The following RPH3AL variants were observed in gnomAD, a reference collection of about 807,000 sequenced individuals.
RPH3AL encodes the protein rabphilin 3A like (without C2 domains).
RPH3AL carries 38 observed loss-of-function variants against 43.1 expected under a neutral mutation model. That is an observed-to-expected ratio of 0.88 (90% confidence interval 0.68 to 1.15). The LOEUF is 1.15. Among genes scored for constraint, RPH3AL ranks in the 50% most tolerant of loss-of-function variants. The probability of loss-of-function intolerance (pLI) is 0.00; values close to 1 mark genes in which losing one functional copy is unlikely to be tolerated. For synonymous variants in RPH3AL, 189 were observed against 176.3 expected (o/e 1.07, Z -0.57); for missense variants, 462 against 423.2 (o/e 1.09, Z -0.81).
intron 5 of RPH3AL, among the ~76,000 whole-genome samples, chr17:286,217 G>T (rs2042907455): frequency 6.6e-6 from 1 of 152,180 alleles, no homozygotes; most frequent in Non-Finnish European, 1.5e-5. Context: ...AACGGATCTG[G>T]GGACAGGAGC....
chr17:333,078 A>G lies in RPH3AL; in HGVS notation c.-37+681T>C, dbSNP rs1459799864. ...CAGGAGGATGCAATTCTCTCTCTAAAGTCGAGAGCTCACCACCCCGGGCGT... is the reference window on the plus strand; with the variant it reads ...CAGGAGGATGCAATTCTCTCTCTAAGGTCGAGAGCTCACCACCCCGGGCGT... On this transcript the variant is annotated intron_variant, in intron 2 of 9. Transcript: ENST00000331302. This position sits in a 1 kb window ranked among gnomAD's most constrained non-coding sequence, Gnocchi z 4.5. The G allele has an allele frequency of 1.6e-6, 2 of 1,287,872 alleles. No individual in the cohort carries two copies. The highest frequency in any genetic ancestry group is 1.1e-4 in the East Asian group (2 of 17,994). 79.8% of individuals were successfully genotyped at this position (1,287,872 alleles called of 1,614,324 possible). A position where few individuals can be genotyped will look rare whatever the true frequency, so the allele number is the denominator to read the frequency against.
chr17:285,209 G>A (rs919518214), intron 5 of RPH3AL, among the ~76,000 whole-genome samples: 1 of 152,134 alleles, frequency 6.6e-6, no homozygotes, highest in East Asian at 1.9e-4. Flanking sequence ...CCCTGAGCCT[G>A]CACCTCACGC....
chr17:326,413 G>A (rs1372996934), intron 3 of RPH3AL, among the ~76,000 whole-genome samples: 1 of 152,222 alleles, frequency 6.6e-6, no homozygotes, highest in Admixed American at 6.5e-5. Context: ...GTTGAAGGAT[G>A]AAGGGGCCCT....
intron 6 of RPH3AL, among the ~76,000 whole-genome samples, chr17:279,718 G>A (rs1294924475): frequency 6.6e-6 from 1 of 152,134 alleles, no homozygotes; most frequent in Non-Finnish European, 1.5e-5. Context: ...ATCCCACAAA[G>A]TGTCTCCCCA....
At chr17:304,075 CCG>C (rs1433833621) in intron 5 of RPH3AL, among the ~76,000 whole-genome samples, 2 of 2,866 alleles carry the variant, frequency 7.0e-4, no homozygotes, top group African/African-American at 1.5e-3. Flanking sequence ...TGAGCAGTGA[CCG>C]TGTTTCAGGA....
At chr17:345,943 A>G (rs9909421) in intron 1 of RPH3AL, among the ~76,000 whole-genome samples, 64,908 of 133,786 alleles carry the variant, frequency 0.49, 22,886 homozygotes, top group East Asian at 0.68. Flanking sequence ...CTCGAAGACC[A>G]GGACATAAGG....
In RPH3AL at chr17:219,693, G is replaced by T; in HGVS notation, c.657C>A (p.Ser219=). Residue 219 remains serine, a synonymous_variant, in exon 8 of 10, where the codon TCC becomes TCA. Coordinates refer to ENST00000331302, the MANE Select transcript of RPH3AL (RefSeq NM_006987.4). ...DSDSDSDLSS[S]SLEDRLPSTG... is the part of the protein sequence containing the mutation. The stretch of plus-strand genomic sequence containing the variant: ...TGGATGGGAGTCTGTCCTCTAGGCT[G>T]GAGGAGCTAAGATCCGAGTCACTGT... 6.2e-7 allele frequency: 1 copy of T among 1,613,488 alleles called. No individual in the cohort carries two copies. The highest frequency in any genetic ancestry group is 8.5e-7 in the Non-Finnish European group (1 of 1,179,834).
intron 5 of RPH3AL, among the ~76,000 whole-genome samples, chr17:316,521 G>A (rs2044205090): frequency 1.4e-5 from 2 of 143,140 alleles, no homozygotes; most frequent in African/African-American, 2.7e-5. Context: ...CACCTCCAGT[G>A]ACCTGTAGTC....
chr17:267,440 G>A (rs1379415156), intron 6 of RPH3AL, among the ~76,000 whole-genome samples: 12 of 152,212 alleles, frequency 7.9e-5, no homozygotes, highest in Admixed American at 5.9e-4. Context: ...CAATTAGACC[G>A]AGCCAGGTCT....
intron 1 of RPH3AL, among the ~76,000 whole-genome samples, chr17:351,946 C>T (rs778063627): frequency 4.6e-5 from 7 of 152,174 alleles, no homozygotes; most frequent in African/African-American, 7.2e-5. Context: ...GGTCCCGAAA[C>T]GGGCCCCTGC....
At chr17:332,886 C>T (rs573559796) in intron 2 of RPH3AL, 17 of 656,954 alleles carry the variant, frequency 2.6e-5, no homozygotes, top group African/African-American at 1.5e-4. Flanking sequence ...GCAGATGTTC[C>T]GGAACCCTTG....
At chr17:284,082 C>T (rs1053098826) in intron 5 of RPH3AL, among the ~76,000 whole-genome samples, 5 of 152,228 alleles carry the variant, frequency 3.3e-5, no homozygotes, top group African/African-American at 4.8e-5. Context: ...ACACACGCAT[C>T]GGTTGAGGGC....
At chr17:349,827 C>T (rs1380349418) in intron 1 of RPH3AL, among the ~76,000 whole-genome samples, 1 of 152,190 alleles carries the variant, frequency 6.6e-6, no homozygotes, top group Non-Finnish European at 1.5e-5. Flanking sequence ...GCAGCAGCAG[C>T]TGACATTTCT....
rs781060598 is a variant in RPH3AL, at chr17:281,826, G to T, written c.380C>A (p.Ala127Asp). ...CAGGGGCCGCTTCTGGCCAGGGGAGGCCTCGATCCCACATTTGGTGCAGAC... is the reference window on the plus strand; with the variant it reads ...CAGGGGCCGCTTCTGGCCAGGGGAGTCCTCGATCCCACATTTGGTGCAGAC... ...KKVCTKCGIE[A>D]SPGQKRPLWL... is the part of the protein sequence containing the mutation. Residue 127 changes from alanine (A) to aspartate (D), a missense_variant, in exon 6 of 10, where the codon GCC becomes GAC. Transcript: ENST00000331302. 3 of 1,614,124 alleles carry T rather than the reference G, an allele frequency of 1.9e-6. No homozygotes were observed. The highest frequency in any genetic ancestry group is 4.5e-5 in the East Asian group (2 of 44,878).
chr17:228,182 G>GTA (rs1013551413), intron 7 of RPH3AL, among the ~76,000 whole-genome samples: 2 of 152,184 alleles, frequency 1.3e-5, no homozygotes, highest in African/African-American at 4.8e-5. Context: ...CCTCCCAGTG[G>GTA]TATAACTTTA....
intron 5 of RPH3AL, among the ~76,000 whole-genome samples, chr17:293,263 A>G (rs1464858010): frequency 6.6e-6 from 1 of 152,180 alleles, no homozygotes; most frequent in Non-Finnish European, 1.5e-5. Flanking sequence ...CCTGCCACTC[A>G]TGCAGTTACC....
chr17:247,559 C>T (rs76409107), intron 6 of RPH3AL: 16,154 of 416,702 alleles, frequency 0.039, 460 homozygotes, highest in Middle Eastern at 0.079. Context: ...AGTCATCACC[C>T]GCTGCAGCCT....
At chr17:305,659 GGAA>G (rs1232007192) in intron 5 of RPH3AL, among the ~76,000 whole-genome samples, 2 of 152,064 alleles carry the variant, frequency 1.3e-5, no homozygotes, top group Non-Finnish European at 2.9e-5. Context: ...CAGGTTCGAG[GGAA>G]GAAGACAGCT....
chr17:347,690 G>A (rs926448774), intron 1 of RPH3AL, among the ~76,000 whole-genome samples: 1 of 152,104 alleles, frequency 6.6e-6, no homozygotes, highest in Non-Finnish European at 1.5e-5. Context: ...CAAATGAACT[G>A]AACATTTATG....
Sources: gnomAD v4.1 joint callset for allele counts (sites outside exome capture counted in the v4.1 genomes callset) on GRCh38, gnomAD v4.1.1 for gene constraint, Gnocchi (gnomAD v3.1) non-coding constraint, MANE v1.5 for transcripts, NCBI Gene and HGNC (gene_info 2026-07-23, HGNC 2026-07-21) for gene names.